Variants in PRMT8 observed in about 807,000 individuals in gnomAD.
PRMT8 encodes the protein protein arginine N-methyltransferase 8.
PRMT8 carries 7 observed loss-of-function variants against 47.1 expected under a neutral mutation model. The observed-to-expected ratio is 0.15, with a 90% CI of 0.08 to 0.28. PRMT8 has a LOEUF of 0.28. Among genes scored for constraint, PRMT8 ranks in the 10% least tolerant of loss-of-function variants. PRMT8 has a pLI of 1.00. For synonymous variants in PRMT8, 188 were observed against 186.5 expected, an observed-to-expected ratio of 1.01 and a Z score of -0.07; for missense variants, 237 against 505.4, an observed-to-expected ratio of 0.47 and a Z score of 5.09.
At position 3,440,771 on chromosome 12, in the gene PRMT8, A is replaced by G. The variant is rs1864791870; in HGVS notation, c.48+59329A>G. Among the ~76,000 whole-genome samples, 3 of 152,206 alleles carry G rather than the reference A, an allele frequency of 2.0e-5. No homozygotes were observed. The South Asian group carries it at 6.2e-4, about 32-fold the overall frequency. Reference sequence around the variant, plus strand: ...CAAAGAAATGGGGAGGTTGAAGAACAGTAATTATACCAGGACAAGAAAACA... The same window carrying G: ...CAAAGAAATGGGGAGGTTGAAGAACGGTAATTATACCAGGACAAGAAAACA... On this transcript the variant is annotated intron_variant, in intron 1 of 9. Transcript: ENST00000452611.
intron 1 of PRMT8, among the ~76,000 whole-genome samples, chr12:3,403,869 T>A (rs2137052341): frequency 1.0e-5 from 1 of 96,078 alleles, no homozygotes; most frequent in Admixed American, 1.6e-4. Flanking sequence ...AGAGCAAGAC[T>A]CTGTCTCAAA....
At chr12:3,401,683 C>T (rs1229036533) in intron 1 of PRMT8, among the ~76,000 whole-genome samples, 2 of 152,214 alleles carry the variant, frequency 1.3e-5, no homozygotes, top group Admixed American at 6.5e-5. Flanking sequence ...ACGCCAACAA[C>T]ACGCAAGCAG....
chr12:3,472,538 G>A (rs1477737554), intron 1 of PRMT8, among the ~76,000 whole-genome samples: 1 of 152,168 alleles, frequency 6.6e-6, no homozygotes. Flanking sequence ...TAACTTCTCT[G>A]AGCCTCCTTT....
chr12:3,592,106 G>A, intron 8 of PRMT8, 125 bp from the exon 9 acceptor site: 1 of 1,078,990 alleles, frequency 9.3e-7, no homozygotes, highest in Non-Finnish European at 1.3e-6. Flanking sequence ...AGAGTACTGG[G>A]GTGGGTGGTT....
rs1440716313 is a variant in PRMT8, at chr12:3,409,648, A to G, written c.48+28206A>G. ...CCTGGGGGCGGGGGTGAGGTGTCCC[A>G]TCTCAGTCAATGCTCTGTTTTCCTG... On this transcript the variant is annotated intron_variant, in intron 1 of 9. Transcript: ENST00000452611. This position sits in a 1 kb window ranked among gnomAD's most constrained non-coding sequence, Gnocchi z 4.4. Among the ~76,000 whole-genome samples the G allele has an allele frequency of 6.6e-6, 1 of 152,114 alleles. No homozygotes were observed. Among genetic ancestry groups the G allele is most frequent in the Non-Finnish European group, 1.5e-5 (1 of 68,028 alleles).
rs911630965 is a variant in PRMT8 at position 3,514,618 on chromosome 12, C to A, written c.75+22918C>A. ...CAGTTCACTCTGCACCTGTCTGCAC[C>A]CTGCTCTGGAGAGGTTTCCTTGCAA... On this transcript the variant is annotated intron_variant, in intron 1 of 9. Transcript: ENST00000382622. The surrounding 1 kb of genome is among the most constrained non-coding windows in gnomAD (Gnocchi z 5.9). Among the ~76,000 whole-genome samples, 3 of 152,160 alleles carry A rather than the reference C, an allele frequency of 2.0e-5. No individual in the cohort carries two copies. The highest frequency in any genetic ancestry group is 1.3e-4 in the Admixed American group (2 of 15,290).
At chr12:3,430,545 T>C (rs1265018573) in intron 1 of PRMT8, among the ~76,000 whole-genome samples, 1 of 152,158 alleles carries the variant, frequency 6.6e-6, no homozygotes, top group Non-Finnish European at 1.5e-5. Context: ...AAAAAATGCC[T>C]ACCAGGAAAC....
chr12:3,466,767 GA>G (rs1750867906), intron 1 of PRMT8, among the ~76,000 whole-genome samples: 1 of 152,074 alleles, frequency 6.6e-6, no homozygotes, highest in Non-Finnish European at 1.5e-5. Flanking sequence ...AGAAACAAAG[GA>G]AAAAGTTTGT....
intron 1 of PRMT8, among the ~76,000 whole-genome samples, chr12:3,497,021 AGTGG>A (rs1200450899): frequency 6.7e-6 from 1 of 150,136 alleles, no homozygotes; most frequent in Non-Finnish European, 1.5e-5. Flanking sequence ...CCAATTCAGG[AGTGG>A]GTTTCATTTC....
chr12:3,483,844 G>T (rs935308732), intron 1 of PRMT8, among the ~76,000 whole-genome samples: 3 of 152,100 alleles, frequency 2.0e-5, no homozygotes, highest in African/African-American at 7.2e-5. Context: ...AGAGCTATGG[G>T]GTTATGCTGA....
chr12:3,435,974 G>A (rs1163053182), intron 1 of PRMT8, among the ~76,000 whole-genome samples: 1 of 152,192 alleles, frequency 6.6e-6, no homozygotes, highest in Non-Finnish European at 1.5e-5. Flanking sequence ...AGGAAACTGA[G>A]GCTTGATGTC....
rs192328476 is a variant in PRMT8 at position 3,440,366 on chromosome 12, G to A, written c.48+58924G>A. Among the ~76,000 whole-genome samples, 10 of 152,270 alleles carry A rather than the reference G, an allele frequency of 6.6e-5. No homozygotes were observed. In the East Asian group the frequency reaches 1.7e-3, roughly 26 times the overall value. On this transcript the variant is annotated intron_variant, in intron 1 of 9. Transcript: ENST00000452611. ...AGTCCCAGCTACTTGGGAGGCAGAG[G>A]CAGGAGAATTGCTAGAACCTGGGAG...
Position 3,586,468 on chromosome 12 carries a change from A to T in PRMT8, c.979+3260A>T, listed in dbSNP as rs76388078. The stretch of plus-strand genomic sequence containing the variant: ...TTATGCCTCCTCCCTTTTGCACAGA[A>T]TTCTACAAACTTAGGTTCTGAAAGA... On this transcript the variant is annotated intron_variant, in intron 8 of 9. Coordinates refer to ENST00000382622, the MANE Select transcript of PRMT8 (RefSeq NM_019854.5). Among the ~76,000 whole-genome samples the T allele has an allele frequency of 5.7e-4, 87 of 152,296 alleles. 1 individual carries two copies. In the East Asian group the frequency reaches 0.015, roughly 27 times the overall value.
Position 3,495,285 on chromosome 12 carries a change from A to G in PRMT8, c.75+3585A>G, listed in dbSNP as rs1307222830. Among the ~76,000 whole-genome samples, 5 of 152,276 alleles carry G rather than the reference A, an allele frequency of 3.3e-5. No homozygotes were observed. In the East Asian group the frequency reaches 9.7e-4, roughly 29 times the overall value. On this transcript the variant is annotated intron_variant, in intron 1 of 9. Coordinates refer to ENST00000382622, the MANE Select transcript of PRMT8 (RefSeq NM_019854.5). ...TCAGGCATCTCTTTAAAAACTTAGG[A>G]TGCTGTCCTATTGCCTACAGGACGC...
At chr12:3,542,511 A>G (rs1333404276) in intron 2 of PRMT8, among the ~76,000 whole-genome samples, 4 of 152,192 alleles carry the variant, frequency 2.6e-5, no homozygotes, top group Admixed American at 2.6e-4. Context: ...ATTAAAAGTC[A>G]TGTTCTCCAT....
At chr12:3,457,467 C>T (rs1412525610) in intron 1 of PRMT8, among the ~76,000 whole-genome samples, 2 of 152,068 alleles carry the variant, frequency 1.3e-5, no homozygotes, top group South Asian at 2.1e-4. Context: ...TGCGCCACCA[C>T]ATCCAGCTAA....
intron 1 of PRMT8, among the ~76,000 whole-genome samples, chr12:3,408,412 T>A (rs549491624): frequency 6.0e-4 from 91 of 152,170 alleles, no homozygotes; most frequent in Non-Finnish European, 9.3e-4. Context: ...TTAAAAAAAA[T>A]TTTTTGTAGA....
intron 1 of PRMT8, among the ~76,000 whole-genome samples, chr12:3,496,214 AT>A (rs1555085718): frequency 0.017 from 469 of 27,656 alleles, 17 homozygotes; most frequent in African/African-American, 0.038. Flanking sequence ...ATATATATAT[AT>A]TTTTTTTTTT....
chr12:3,381,486 C>T, intron 1 of PRMT8: 3 of 1,526,522 alleles, frequency 2.0e-6, no homozygotes, highest in East Asian at 2.4e-5. Flanking sequence ...CTTCTTCCTG[C>T]AAGTGAAATA....
Sources: gnomAD v4.1 joint callset for allele counts (sites outside exome capture counted in the v4.1 genomes callset) on GRCh38, gnomAD v4.1.1 for gene constraint, Gnocchi (gnomAD v3.1) non-coding constraint, MANE v1.5 for transcripts, NCBI Gene and HGNC (gene_info 2026-07-23, HGNC 2026-07-21) for gene names.